The following MARCHF1 variants were observed in gnomAD, a reference collection of about 807,000 sequenced individuals.
MARCHF1 encodes the protein membrane associated ring-CH-type finger 1, also known as E3 ubiquitin-protein ligase MARCHF1.
In MARCHF1, 40 loss-of-function variants were observed where a neutral mutation model predicts 54.2. The ratio of observed to expected loss-of-function variants is 0.74; its 90% confidence interval spans 0.57 to 0.96. MARCHF1 has a LOEUF of 0.96. Ranked by LOEUF, MARCHF1 falls within the 40% of genes least tolerant of loss-of-function variation. The probability of loss-of-function intolerance (pLI) is 0.00; values close to 1 mark genes in which losing one functional copy is unlikely to be tolerated. For synonymous variants in MARCHF1, 236 were observed against 236.3 expected (o/e 1.00, Z 0.01); for missense variants, 586 against 656.5 (o/e 0.89, Z 1.17).
At chr4:164,377,334 T>A (rs573274286) in intron 1 of MARCHF1, among the ~76,000 whole-genome samples, 1 of 152,344 alleles carries the variant, frequency 6.6e-6, no homozygotes, top group South Asian at 2.1e-4. Flanking sequence ...GTTCTGAGTT[T>A]TATCCATATA....
chr4:164,316,436 G>A (rs1348545940), intron 1 of MARCHF1, among the ~76,000 whole-genome samples: 1 of 152,124 alleles, frequency 6.6e-6, no homozygotes, highest in Non-Finnish European at 1.5e-5. Context: ...AGATGGTAAA[G>A]GGTAGAAAGG....
At chr4:163,556,973 T>C (rs567427515) in intron 8 of MARCHF1, among the ~76,000 whole-genome samples, 1 of 152,260 alleles carries the variant, frequency 6.6e-6, no homozygotes, top group East Asian at 1.9e-4. Context: ...TATTTTTTTC[T>C]GGGGAAAGGT....
intron 1 of MARCHF1, among the ~76,000 whole-genome samples, chr4:164,275,401 G>A (rs1203504012): frequency 6.6e-6 from 1 of 152,212 alleles, no homozygotes; most frequent in Non-Finnish European, 1.5e-5. Context: ...GCTTGGAAGA[G>A]TCAACATTGC....
Position 163,770,462 on chromosome 4 carries a change from G to T in MARCHF1, c.112-69599C>A, listed in dbSNP as rs552429549. On this transcript the variant is annotated intron_variant, in intron 4 of 9. Coordinates refer to ENST00000514618, the MANE Select transcript of MARCHF1 (RefSeq NM_001394959.1). ...CAGTATAAAATATGAGCTCAAAGGA[G>T]AATTAGTACTGGTACATAACATAGA... is the stretch of plus-strand genomic sequence containing the variant. Among the ~76,000 whole-genome samples, 19 of 152,044 alleles carry T rather than the reference G, an allele frequency of 1.2e-4. No individual in the cohort carries two copies. In the South Asian group the frequency reaches 4.0e-3, roughly 32 times the overall value.
intron 1 of MARCHF1, among the ~76,000 whole-genome samples, chr4:164,174,395 C>T (rs1301178661): frequency 2.6e-5 from 4 of 152,176 alleles, no homozygotes; most frequent in South Asian, 4.1e-4. Flanking sequence ...CTTCCTTCTG[C>T]CCTTTCTAAA....
At chr4:164,012,389 C>G (rs1753440537) in intron 2 of MARCHF1, among the ~76,000 whole-genome samples, 1 of 152,062 alleles carries the variant, frequency 6.6e-6, no homozygotes. Flanking sequence ...ATTCCTGAAA[C>G]CCCAGATTCC....
intron 1 of MARCHF1, among the ~76,000 whole-genome samples, chr4:164,335,310 C>T (rs953455303): frequency 2.0e-5 from 3 of 152,086 alleles, no homozygotes; most frequent in Non-Finnish European, 4.4e-5. Context: ...TGCCTCAGCC[C>T]GGTGGCTCAC....
At chr4:164,345,284 T>A (rs950778792) in intron 1 of MARCHF1, among the ~76,000 whole-genome samples, 7 of 152,060 alleles carry the variant, frequency 4.6e-5, no homozygotes, top group African/African-American at 1.7e-4. Context: ...ATAAAATGTA[T>A]GGCTGGGCAC....
chr4:163,616,997 C>T (rs536224134), intron 5 of MARCHF1, among the ~76,000 whole-genome samples: 1 of 152,154 alleles, frequency 6.6e-6, no homozygotes, highest in South Asian at 2.1e-4. Flanking sequence ...TAGATATAGA[C>T]TCAATCTAAA....
At chr4:164,343,440 G>A (rs1192961663) in intron 1 of MARCHF1, among the ~76,000 whole-genome samples, 1 of 151,892 alleles carries the variant, frequency 6.6e-6, no homozygotes, top group Non-Finnish European at 1.5e-5. Context: ...CTACAGAATG[G>A]GAGAAAATAT....
intron 3 of MARCHF1, among the ~76,000 whole-genome samples, chr4:163,964,376 T>C (rs1752400934): frequency 6.6e-6 from 1 of 152,006 alleles, no homozygotes. Context: ...AAACTCAATG[T>C]GAGTAATTAC....
chr4:163,714,896 G>A (rs1030475725), intron 4 of MARCHF1, among the ~76,000 whole-genome samples: 1 of 152,030 alleles, frequency 6.6e-6, no homozygotes, highest in African/African-American at 2.4e-5. Flanking sequence ...TGCCCAGGCT[G>A]GTCTTGAACT....
At chr4:164,222,003 T>C (rs1391815959) in intron 1 of MARCHF1, among the ~76,000 whole-genome samples, 1 of 151,918 alleles carries the variant, frequency 6.6e-6, no homozygotes, top group African/African-American at 2.4e-5. Context: ...AAATTGGACC[T>C]GGTGTGACAA....
chr4:163,910,816 G>T (rs1751173769), intron 3 of MARCHF1, among the ~76,000 whole-genome samples: 1 of 152,156 alleles, frequency 6.6e-6, no homozygotes, highest in Admixed American at 6.6e-5. Context: ...ATCTTCTAAA[G>T]TTCCTGGTGA....
At chr4:163,923,875 G>C (rs762137398) in intron 3 of MARCHF1, among the ~76,000 whole-genome samples, 1 of 151,458 alleles carries the variant, frequency 6.6e-6, no homozygotes, top group Non-Finnish European at 1.5e-5. Context: ...CAGTCATTTT[G>C]TGATAGGTGA....
chr4:163,640,941 G>T (rs769570738), intron 5 of MARCHF1, among the ~76,000 whole-genome samples: 1 of 151,796 alleles, frequency 6.6e-6, no homozygotes, highest in Non-Finnish European at 1.5e-5. Flanking sequence ...TTAAAAATGG[G>T]CAATAAGATA....
intron 1 of MARCHF1, among the ~76,000 whole-genome samples, chr4:164,273,555 A>T (rs1315635932): frequency 6.6e-6 from 1 of 152,224 alleles, no homozygotes; most frequent in Non-Finnish European, 1.5e-5. Flanking sequence ...ACCAGAAAGT[A>T]ATAAACCATC....
chr4:163,908,000 A>G (rs763756346), intron 3 of MARCHF1, among the ~76,000 whole-genome samples: 5 of 152,152 alleles, frequency 3.3e-5, no homozygotes. Flanking sequence ...TACATATAGC[A>G]TGCTTCATCC....
intron 1 of MARCHF1, among the ~76,000 whole-genome samples, chr4:164,259,450 A>T (rs1733387715): frequency 6.7e-6 from 1 of 148,932 alleles, no homozygotes; most frequent in Admixed American, 6.8e-5. Flanking sequence ...AGGCTGAGGC[A>T]GGAGAATCAT....
Sources: allele counts gnomAD v4.1 joint callset (sites outside exome capture counted in the v4.1 genomes callset), GRCh38; gene constraint gnomAD v4.1.1; transcripts MANE v1.5; gene names NCBI Gene and HGNC (gene_info 2026-07-23, HGNC 2026-07-21).